ACSM3: variants seen among roughly 807,000 people sequenced by gnomAD.
ACSM3 encodes acyl-CoA synthetase medium chain family member 3, also known as acyl-coenzyme A synthetase ACSM3, mitochondrial.
Under a neutral mutation model 74.1 loss-of-function variants are expected in ACSM3, and 61 were observed. The ratio of observed to expected loss-of-function variants is 0.82; its 90% confidence interval spans 0.67 to 1.02. The LOEUF is 1.02. ACSM3 is among the 50% of genes least tolerant of loss of function. ACSM3 has a pLI of 0.00. For synonymous variants in ACSM3, 213 were observed against 241.5 expected (o/e 0.88, Z 1.09); for missense variants, 660 against 697.0 (o/e 0.95, Z 0.60).
At chr16:20,741,477 G>GCCGGGGGGGGGGGCCCCCCCCCCCCCCC in intron 1 of ACSM3, 1 of 1,378,122 alleles carries the variant, frequency 7.3e-7, no homozygotes, top group Non-Finnish European at 9.6e-7. Flanking sequence ...AGGCCTGGCA[G>GCCGGGGGGGGGGGCCCCCCCCCCCCCCC]CCGGCCCGCC....
In ACSM3 at chr16:20,793,509, TAGG is replaced by T. The variant is rs2080650096; in HGVS notation, c.1554+1177_1554+1179del. On this transcript the variant is annotated intron_variant, in intron 12 of 13. Transcript: ENST00000289416. ...AAAATAAAAAAGTTTAAGGTAAAAA[TAGG>T]AGATGTGCATGTTACAGTGGAGGGT... is the stretch of plus-strand genomic sequence containing the variant. 2.0e-5 allele frequency among the ~76,000 whole-genome samples: 3 copies of T among 151,988 alleles called. No individual in the cohort carries two copies. The East Asian group carries it at 5.8e-4, about 29-fold the overall frequency.
At chr16:20,722,912 T>C (rs2079790774) in intron 1 of ACSM3, among the ~76,000 whole-genome samples, 1 of 152,222 alleles carries the variant, frequency 6.6e-6, no homozygotes. Context: ...TTATTATACT[T>C]TAAGTTTTAG....
intron 1 of ACSM3, among the ~76,000 whole-genome samples, chr16:20,699,960 C>G (rs1029918766): frequency 6.6e-6 from 1 of 152,280 alleles, no homozygotes; most frequent in Non-Finnish European, 1.5e-5. Flanking sequence ...TAGTTCTGAA[C>G]AATAAACTCC....
chr16:20,734,363 A>C (rs1567328166), intron 1 of ACSM3: 1 of 152,630 alleles, frequency 6.6e-6, no homozygotes, highest in Non-Finnish European at 1.5e-5. Context: ...TCCTCTTATC[A>C]ATCATTGCAA....
intron 1 of ACSM3, among the ~76,000 whole-genome samples, chr16:20,738,489 C>A (rs1024033934): frequency 1.3e-5 from 2 of 152,056 alleles, no homozygotes; most frequent in African/African-American, 2.4e-5. Context: ...ATATTTGGGG[C>A]TGCTCCGAAA....
chr16:20,785,669 G>A (rs1317513275), intron 8 of ACSM3, among the ~76,000 whole-genome samples: 1 of 152,108 alleles, frequency 6.6e-6, no homozygotes, highest in Non-Finnish European at 1.5e-5. Context: ...AGATGAAATA[G>A]ATAAGGGAAA....
At chr16:20,691,390 T>A in intron 1 of ACSM3, 1 of 508,426 alleles carries the variant, frequency 2.0e-6, no homozygotes, top group Non-Finnish European at 3.4e-6. Context: ...TGGGGATTTA[T>A]CTTCCCAGCT....
chr16:20,796,172 AG>A, intron 12 of ACSM3, 197 bp from the exon 13 acceptor site: 3 of 853,920 alleles, frequency 3.5e-6, no homozygotes, highest in Non-Finnish European at 5.1e-6. Context: ...GGGTTGTTAC[AG>A]GGGTCCCAGA....
intron 7 of ACSM3, 106 bp downstream of exon 7, chr16:20,781,893 A>G (rs1439846130): frequency 1.2e-6 from 1 of 808,190 alleles, no homozygotes; most frequent in Admixed American, 2.5e-5. Context: ...CAGTAGACAC[A>G]GGATTTAGCA....
intron 1 of ACSM3, among the ~76,000 whole-genome samples, chr16:20,743,399 G>A (rs774494504): frequency 6.6e-6 from 1 of 151,966 alleles, no homozygotes; most frequent in Non-Finnish European, 1.5e-5. Flanking sequence ...CTTTCGTTGC[G>A]GCCTTTTATC....
chr16:20,727,446 A>G (rs746221183), intron 1 of ACSM3: 9 of 500,738 alleles, frequency 1.8e-5, no homozygotes, highest in Non-Finnish European at 3.1e-5. Flanking sequence ...GCTACATGAG[A>G]GCTATGGACA....
At chr16:20,741,495 C>G (rs1376158946) in intron 1 of ACSM3, 1 of 1,243,706 alleles carries the variant, frequency 8.0e-7, no homozygotes, top group African/African-American at 1.6e-5. Flanking sequence ...GCCCGCCCAC[C>G]CCGGGACCGG....
intron 1 of ACSM3, chr16:20,733,125 A>C (rs1052318290): frequency 6.6e-6 from 1 of 150,562 alleles, no homozygotes; most frequent in African/African-American, 2.5e-5. Context: ...TTAGCTAAAA[A>C]ATTAAAAAGT....
intron 1 of ACSM3, among the ~76,000 whole-genome samples, chr16:20,684,305 T>G (rs544146500): frequency 6.6e-6 from 1 of 152,298 alleles, no homozygotes; most frequent in South Asian, 2.1e-4. Context: ...AATAGGAATA[T>G]TCACACAATC....
chr16:20,700,345 TAAGC>T (rs2079709758), intron 1 of ACSM3, among the ~76,000 whole-genome samples: 1 of 152,052 alleles, frequency 6.6e-6, no homozygotes, highest in Non-Finnish European at 1.5e-5. Flanking sequence ...GTCAATTAAA[TAAGC>T]AAGAGGATTT....
chr16:20,721,447 G>A (rs2079785154), intron 1 of ACSM3: 1 of 152,114 alleles, frequency 6.6e-6, no homozygotes. Context: ...TAATAGCCCT[G>A]AGACATAATG....
intron 1 of ACSM3, among the ~76,000 whole-genome samples, chr16:20,675,054 T>A (rs755367729): frequency 7.2e-5 from 11 of 152,014 alleles, no homozygotes; most frequent in Non-Finnish European, 1.3e-4. Context: ...GCTGGCAGAA[T>A]GGTAAGAGTG....
chr16:20,781,042 C>CA lies in ACSM3; in HGVS notation c.852dup (p.Trp285MetfsTer3). ...TCAGATACGGGCTGGGCAAAGTCTG[C>CA]ATGGAGTAGTGTTTTTTCTCCGTGG... is the stretch of plus-strand genomic sequence containing the variant. On this transcript the variant is annotated frameshift_variant, in exon 6 of 14. Transcript: ENST00000289416. LOFTEE classifies it high-confidence loss of function. The CA allele has an allele frequency of 1.2e-6, 2 of 1,614,150 alleles. No homozygotes were observed.
chr16:20,784,793 CTTTATT>C (rs1372495783), intron 7 of ACSM3, among the ~76,000 whole-genome samples, 185 bp from the exon 8 acceptor site: 8 of 151,818 alleles, frequency 5.3e-5, no homozygotes, highest in Admixed American at 5.3e-4. Flanking sequence ...TTTTTAATAT[CTTTATT>C]TTTAATTTGT....
Sources: allele counts gnomAD v4.1 joint callset (sites outside exome capture counted in the v4.1 genomes callset), GRCh38; gene constraint gnomAD v4.1.1; transcripts MANE v1.5; gene names NCBI Gene and HGNC (gene_info 2026-07-23, HGNC 2026-07-21).